SRC: variants seen among roughly 807,000 people sequenced by gnomAD.
The protein encoded by SRC is SRC proto-oncogene, non-receptor tyrosine kinase.
Under a neutral mutation model 62.9 loss-of-function variants are expected in SRC, and 13 were observed. The ratio of observed to expected loss-of-function variants is 0.21; its 90% CI spans 0.13 to 0.33. SRC has a LOEUF of 0.33. Ranked by LOEUF, SRC falls within the 10% of genes least tolerant of loss-of-function variation. SRC has a pLI of 1.00. For missense variants in SRC, 457 were observed against 737.3 expected (o/e 0.62, Z 4.40); for synonymous variants, 302 against 317.5 (o/e 0.95, Z 0.52).
In SRC at chr20:37,397,948, C is replaced by T. The variant is rs1362994583; in HGVS notation, c.859+94C>T. 2 of 1,421,566 alleles carry T rather than the reference C, an allele frequency of 1.4e-6. No individual in the cohort carries two copies. The highest frequency in any genetic ancestry group is 1.9e-6 in the Non-Finnish European group (2 of 1,070,704). The allele number at this position is 1,421,566 out of a possible 1,614,324, so 88.1% of individuals were successfully genotyped here. On this transcript the variant is annotated intron_variant, in intron 9 of 13. Coordinates refer to ENST00000373578, the MANE Select transcript of SRC (RefSeq NM_198291.3). This position sits in a 1 kb window ranked among gnomAD's most constrained non-coding sequence, Gnocchi z 4.1. ...TTGGTCCCTTTGCCTTTAGCTGCCT[C>T]TGCTGGATGACGGGGCCCTGTTGTA...
At chr20:37,380,965 G>T (rs747268082) in intron 2 of SRC, among the ~76,000 whole-genome samples, 6 of 152,048 alleles carry the variant, frequency 3.9e-5, no homozygotes, top group African/African-American at 1.2e-4. Context: ...TCCTGAGCAT[G>T]TTCCGTGTAC....
chr20:37,379,811 G>A (rs1303950568), intron 2 of SRC, among the ~76,000 whole-genome samples: 3 of 149,368 alleles, frequency 2.0e-5, no homozygotes, highest in Admixed American at 6.7e-5. Context: ...CAGGAGAACC[G>A]CTGGAACCCG....
chr20:37,394,293 C>G lies in SRC; in HGVS notation c.553+16C>G. 1 of 1,607,110 alleles carries G rather than the reference C, an allele frequency of 6.2e-7. No individual in the cohort carries two copies. Among genetic ancestry groups the G allele is most frequent in the East Asian group, 2.2e-5 (1 of 44,852 alleles). On this transcript the variant is annotated intron_variant, in intron 7 of 13. Coordinates refer to ENST00000373578, the MANE Select transcript of SRC (RefSeq NM_198291.3). ...ACCACGAAAGGTACGAGCGCTCTTG[C>G]TGGCCAACGGATACTGAGTCTTCTG... is the stretch of plus-strand genomic sequence containing the variant.
chr20:37,400,330 A>AC (rs2070719417), intron 10 of SRC, 36 bp downstream of exon 10: 1 of 1,564,798 alleles, frequency 6.4e-7, no homozygotes, highest in African/African-American at 1.4e-5. Flanking sequence ...GGGCAGGGGC[A>AC]CTCCGGACAG....
At position 37,384,530 on chromosome 20, in the gene SRC, T is replaced by G; in HGVS notation, c.250+127T>G. The G allele has an allele frequency of 5.2e-6, 5 of 953,614 alleles. No homozygotes were observed. The highest frequency in any genetic ancestry group is 4.2e-5 in the South Asian group (1 of 23,720). The allele number at this position is 953,614 out of a possible 1,614,324, so 59.1% of individuals were successfully genotyped here. On this transcript the variant is annotated intron_variant, in intron 4 of 13. Coordinates refer to ENST00000373578, the MANE Select transcript of SRC (RefSeq NM_198291.3). This position sits in a 1 kb window ranked among gnomAD's most constrained non-coding sequence, Gnocchi z 6.7. ...TCTCGCCAGGGGTAGCGCCCCTGGGTGACTTGGGTGTCCGGGGGGTGGGGG... is the reference window on the plus strand; with the variant it reads ...TCTCGCCAGGGGTAGCGCCCCTGGGGGACTTGGGTGTCCGGGGGGTGGGGG...
chr20:37,354,965 CG>C (rs2069859936), intron 1 of SRC, among the ~76,000 whole-genome samples: 1 of 152,122 alleles, frequency 6.6e-6, no homozygotes, highest in African/African-American at 2.4e-5. Context: ...GCTGTGAGGA[CG>C]GGTAGGATCC....
At chr20:37,395,787 G>A (rs932655345) in intron 7 of SRC, among the ~76,000 whole-genome samples, 10 of 152,194 alleles carry the variant, frequency 6.6e-5, no homozygotes, top group Non-Finnish European at 1.3e-4. Flanking sequence ...AGTGTGTGCC[G>A]GGCCCTTCTA....
intron 1 of SRC, among the ~76,000 whole-genome samples, chr20:37,355,047 G>C (rs1466906120): frequency 6.6e-6 from 1 of 152,172 alleles, no homozygotes; most frequent in Non-Finnish European, 1.5e-5. Flanking sequence ...AGGTGGCACA[G>C]TTTGGGGAGC....
chr20:37,388,783 G>A (rs571949881), intron 5 of SRC, among the ~76,000 whole-genome samples: 34 of 151,788 alleles, frequency 2.2e-4, no homozygotes, highest in African/African-American at 7.7e-4. Flanking sequence ...GTAGGTGGGG[G>A]GCTGGTATTA....
chr20:37,350,853 C>T (rs2069790725), intron 1 of SRC, among the ~76,000 whole-genome samples: 1 of 151,878 alleles, frequency 6.6e-6, no homozygotes, highest in Non-Finnish European at 1.5e-5. Context: ...ATAGATTAGT[C>T]ATGTCTGCCA....
chr20:37,404,698 T>C lies in SRC; in HGVS notation c.*1319T>C, dbSNP rs2070797715. 8.6e-6 allele frequency: 2 copies of C among 233,368 alleles called. No individual in the cohort carries two copies. Among genetic ancestry groups the C allele is most frequent in the Admixed American group, 1.1e-4 (2 of 17,786 alleles). 14.5% of individuals were successfully genotyped at this position (233,368 alleles called of 1,614,324 possible). A position where few individuals can be genotyped will look rare whatever the true frequency, so the allele number is the denominator to read the frequency against. On this transcript the variant is annotated 3_prime_UTR_variant, in exon 14 of 14. Transcript: ENST00000373578. Reference sequence around the variant, plus strand: ...ATGTGGCCATGGCCTCTGCAACTGCTCAGCTCTGGTCCAGGCCCTGTGGCA... The same window carrying C: ...ATGTGGCCATGGCCTCTGCAACTGCCCAGCTCTGGTCCAGGCCCTGTGGCA...
intron 2 of SRC, among the ~76,000 whole-genome samples, chr20:37,368,434 T>TAAAC (rs941416005): frequency 2.8e-4 from 33 of 118,488 alleles, no homozygotes; most frequent in African/African-American, 9.3e-4. Flanking sequence ...AACAGACAAA[T>TAAAC]AAACAAACAA....
At chr20:37,365,479 T>C (rs553666544) in intron 2 of SRC, among the ~76,000 whole-genome samples, 1 of 146,616 alleles carries the variant, frequency 6.8e-6, no homozygotes, top group Admixed American at 6.7e-5. Flanking sequence ...TATATAAGCA[T>C]GTATATTAAC....
At chr20:37,364,455 G>A (rs2146952507) in intron 1 of SRC, among the ~76,000 whole-genome samples, 4 of 152,248 alleles carry the variant, frequency 2.6e-5, no homozygotes, top group Middle Eastern at 6.8e-3. Flanking sequence ...CCTCCTTGTG[G>A]GGCCCCTGGT....
Position 37,405,401 on chromosome 20 carries a change from C to A in SRC, c.*2022C>A, listed in dbSNP as rs1480892694. On this transcript the variant is annotated 3_prime_UTR_variant, in exon 14 of 14. Coordinates refer to ENST00000373578, the MANE Select transcript of SRC (RefSeq NM_198291.3). The stretch of plus-strand genomic sequence containing the variant: ...ATACTTTGCATATTGTCTGATTAAA[C>A]ACAAACAGACCTCAGAATCTGATCA... The A allele has an allele frequency of 1.4e-5, 3 of 208,966 alleles. No individual in the cohort carries two copies. In the East Asian group the frequency reaches 2.1e-4, roughly 15 times the overall value. 12.9% of individuals were successfully genotyped at this position (208,966 alleles called of 1,614,324 possible).
chr20:37,356,175 C>T (rs1035000200), intron 1 of SRC, among the ~76,000 whole-genome samples: 1 of 152,080 alleles, frequency 6.6e-6, no homozygotes, highest in Admixed American at 6.5e-5. Context: ...GGTACCCTGA[C>T]TTACCGGAAG....
intron 1 of SRC, among the ~76,000 whole-genome samples, chr20:37,353,969 T>C (rs1023749609): frequency 6.6e-6 from 1 of 152,226 alleles, no homozygotes; most frequent in Non-Finnish European, 1.5e-5. Context: ...ACCCACTCCA[T>C]GGGCTTGTTG....
chr20:37,385,953 T>C, intron 4 of SRC, 122 bp from the exon 5 acceptor site: 3 of 755,380 alleles, frequency 4.0e-6, no homozygotes, highest in South Asian at 1.6e-5. Flanking sequence ...CCTGACTGTG[T>C]CTTTGGGCTG....
rs2070663213 is a variant in SRC at position 37,396,954 on chromosome 20, T to C, written c.703+643T>C. Among the ~76,000 whole-genome samples the C allele has an allele frequency of 6.6e-6, 1 of 152,034 alleles. No homozygotes were observed. The highest frequency in any genetic ancestry group is 2.4e-5 in the African/African-American group (1 of 41,370). On this transcript the variant is annotated intron_variant, in intron 8 of 13. Coordinates refer to ENST00000373578, the MANE Select transcript of SRC (RefSeq NM_198291.3). This position sits in a 1 kb window ranked among gnomAD's most constrained non-coding sequence, Gnocchi z 6.1. The stretch of plus-strand genomic sequence containing the variant: ...TCCTCCTCCTCTCAGCTTGGCCTCC[T>C]GACTTCCTCTGGGATCACCCGCCAC...
Sources: allele counts gnomAD v4.1 joint callset (sites outside exome capture counted in the v4.1 genomes callset), GRCh38; gene constraint gnomAD v4.1.1; non-coding constraint Gnocchi (gnomAD v3.1); transcripts MANE v1.5; gene names NCBI Gene and HGNC (gene_info 2026-07-23, HGNC 2026-07-21).